Variants in MED12L observed in about 807,000 individuals in gnomAD.
MED12L encodes the protein mediator complex subunit 12L, also known as mediator of RNA polymerase II transcription subunit 12-like protein.
A neutral mutation model predicts 281.3 loss-of-function variants in MED12L; 60 were observed. The observed-to-expected ratio is 0.21, with a 90% CI of 0.17 to 0.26. The LOEUF (loss-of-function observed/expected upper bound fraction) is 0.26. Ranked by LOEUF, MED12L falls within the 10% of genes least tolerant of loss-of-function variation. MED12L has a pLI of 1.00. For missense variants in MED12L, 2,146 were observed against 2,680.9 expected, an observed-to-expected ratio of 0.80 and a Z score of 4.41; for synonymous variants, 974 against 987.2, an observed-to-expected ratio of 0.99 and a Z score of 0.25.
intron 21 of MED12L, 136 bp downstream of exon 21, chr3:151,360,741 C>A: frequency 2.7e-6 from 2 of 754,162 alleles, no homozygotes; most frequent in South Asian, 1.9e-5. Context: ...TTGATATACT[C>A]ATGATTTGTT....
chr3:151,315,455 A>G (rs1451632213), intron 16 of MED12L, among the ~76,000 whole-genome samples: 1 of 152,146 alleles, frequency 6.6e-6, no homozygotes, highest in Non-Finnish European at 1.5e-5. Context: ...TTCTGGCGGG[A>G]TACTTTCTTT....
chr3:151,329,170 G>A (rs1360434238), intron 16 of MED12L, among the ~76,000 whole-genome samples: 1 of 152,110 alleles, frequency 6.6e-6, no homozygotes, highest in African/African-American at 2.4e-5. Context: ...ACTGTTTTCT[G>A]GCTAGAATTT....
Position 151,350,153 on chromosome 3 carries a change from T to C in MED12L, c.2345T>C (p.Ile782Thr), listed in dbSNP as rs772941599. 7 of 1,613,678 alleles carry C rather than the reference T, an allele frequency of 4.3e-6. No homozygotes were observed. The highest frequency in any genetic ancestry group is 5.9e-6 in the Non-Finnish European group (7 of 1,179,782). Residue 782 changes from isoleucine (I) to threonine (T), a missense_variant, in exon 17 of 45, where the codon ATT (isoleucine) becomes ACT (threonine). Transcript: ENST00000687756. The stretch of plus-strand genomic sequence containing the variant: ...GAAGCAAGGCATCAGCTGAAGAAGA[T>C]TACCAAAGATATCCTGAAAATTCTA... The part of the protein sequence containing the change: ...RDEARHQLKK[I>T]TKDILKILNK...
chr3:151,391,771 A>T (rs149015912), intron 38 of MED12L, among the ~76,000 whole-genome samples: 2 of 152,322 alleles, frequency 1.3e-5, no homozygotes, highest in East Asian at 3.9e-4. Context: ...CCCAGAATGT[A>T]AGCCTCGTGG....
chr3:151,214,255 G>C (rs1250262202), intron 16 of MED12L: 2 of 1,613,882 alleles, frequency 1.2e-6, no homozygotes, highest in African/African-American at 1.3e-5. Context: ...GATCTGCTGA[G>C]TGATCAGGAG....
At chr3:151,211,793 G>A (rs1051500003) in intron 16 of MED12L, among the ~76,000 whole-genome samples, 6 of 152,106 alleles carry the variant, frequency 3.9e-5, no homozygotes, top group Admixed American at 1.3e-4. Context: ...GACTATCGGC[G>A]TATGCCACGA....
Position 151,380,107 on chromosome 3 carries a change from T to G in MED12L, c.4479-6T>G. On this transcript the variant is annotated splice_region_variant and splice_polypyrimidine_tract_variant and intron_variant, in intron 31 of 44. Coordinates refer to ENST00000687756, the MANE Select transcript of MED12L (RefSeq NM_001393769.1). ...AGATCTGTTGTTATTATTACTTCCT[T>G]TGTAGTATGTCTCTTTTGAGTCAAC... is the stretch of plus-strand genomic sequence containing the variant. The G allele has an allele frequency of 6.5e-7, 1 of 1,539,788 alleles. No individual in the cohort carries two copies. The highest frequency in any genetic ancestry group is 8.9e-7 in the Non-Finnish European group (1 of 1,129,404).
intron 21 of MED12L, among the ~76,000 whole-genome samples, chr3:151,364,077 T>C (rs945558028): frequency 3.3e-5 from 5 of 152,152 alleles, no homozygotes; most frequent in African/African-American, 1.2e-4. Context: ...TAAAACAGAC[T>C]TTCTGATGCA....
At chr3:151,235,573 A>G (rs941966856) in intron 16 of MED12L, among the ~76,000 whole-genome samples, 17 of 152,092 alleles carry the variant, frequency 1.1e-4, no homozygotes, top group African/African-American at 4.1e-4. Context: ...GCGTGCCTGT[A>G]ATCCCAGTTA....
chr3:151,130,502 G>A (rs1026917467), intron 5 of MED12L, among the ~76,000 whole-genome samples: 2 of 152,174 alleles, frequency 1.3e-5, no homozygotes, highest in Non-Finnish European at 2.9e-5. Flanking sequence ...TCTAATGTCA[G>A]CTTTCCACTT....
chr3:151,384,994 C>A, intron 35 of MED12L, 36 bp from the exon 36 acceptor site: 2 of 1,133,864 alleles, frequency 1.8e-6, no homozygotes, highest in East Asian at 2.4e-5. Flanking sequence ...ATTTCTGTCC[C>A]ACTTCTCACT....
intron 16 of MED12L, among the ~76,000 whole-genome samples, chr3:151,272,797 A>G (rs1347016182): frequency 6.6e-6 from 1 of 151,966 alleles, no homozygotes; most frequent in Non-Finnish European, 1.5e-5. Flanking sequence ...TCAACTATGT[A>G]CCAGGCATGA....
At chr3:151,334,810 C>CT (rs1221286266) in intron 16 of MED12L, among the ~76,000 whole-genome samples, 1 of 151,786 alleles carries the variant, frequency 6.6e-6, no homozygotes, top group Non-Finnish European at 1.5e-5. Flanking sequence ...CCCCAGTCTT[C>CT]TTTTTTTTAT....
intron 16 of MED12L, among the ~76,000 whole-genome samples, chr3:151,228,402 G>A (rs901030029): frequency 4.6e-5 from 7 of 152,234 alleles, no homozygotes; most frequent in East Asian, 1.9e-4. Flanking sequence ...AACATTGCGC[G>A]TACAGGGAGT....
chr3:151,317,700 T>C (rs1219554638), intron 16 of MED12L, among the ~76,000 whole-genome samples: 1 of 151,998 alleles, frequency 6.6e-6, no homozygotes, highest in Non-Finnish European at 1.5e-5. Flanking sequence ...TCCGCCCGCC[T>C]CAGCCTCCCA....
Position 151,388,155 on chromosome 3 carries a change from T to A in MED12L, c.5434T>A (p.Ser1812Thr). ...KTKGRKRKTK[S>T]SSRVDEYPQS... ...AAAAGGAAGGAAGCGCAAGACGAAA[T>A]CTAGCTCAAGAGTTGATGTAAGTGG... Residue 1812 changes from serine (S) to threonine (T), a missense_variant, in exon 37 of 45, where the codon TCT (serine) becomes ACT (threonine). Ser to Thr is a moderately conservative substitution (Grantham distance 58, BLOSUM62 1). Transcript: ENST00000687756. The A allele has an allele frequency of 6.2e-7, 1 of 1,601,462 alleles. No individual in the cohort carries two copies. The highest frequency in any genetic ancestry group is 2.2e-5 in the East Asian group (1 of 44,824).
intron 39 of MED12L, among the ~76,000 whole-genome samples, chr3:151,399,346 CAA>C (rs1228858068): frequency 6.6e-6 from 1 of 152,124 alleles, no homozygotes; most frequent in East Asian, 1.9e-4. Context: ...TTTCCCATAA[CAA>C]TATTATTTTC....
At chr3:151,262,161 C>T (rs1739038430) in intron 16 of MED12L, among the ~76,000 whole-genome samples, 1 of 152,208 alleles carries the variant, frequency 6.6e-6, no homozygotes, top group South Asian at 2.1e-4. Context: ...TGTACAGACA[C>T]ATTTTATACA....
At chr3:151,145,545 G>A (rs1000694073) in intron 5 of MED12L, among the ~76,000 whole-genome samples, 12 of 152,176 alleles carry the variant, frequency 7.9e-5, no homozygotes, top group African/African-American at 2.9e-4. Flanking sequence ...TGGGAAACCT[G>A]GGTAAGATTG....
Sources: gnomAD v4.1 joint callset for allele counts (sites outside exome capture counted in the v4.1 genomes callset) on GRCh38, gnomAD v4.1.1 for gene constraint, MANE v1.5 for transcripts, NCBI Gene and HGNC (gene_info 2026-07-23, HGNC 2026-07-21) for gene names.